Variants in HYDIN observed in about 807,000 individuals in gnomAD.
The protein encoded by HYDIN is HYDIN axonemal central pair apparatus protein, also known as axonemal central pair apparatus protein HYDIN.
HYDIN carries 132 observed loss-of-function variants against 403.9 expected under a neutral mutation model. The ratio of observed to expected loss-of-function variants is 0.33; its 90% CI spans 0.28 to 0.38. HYDIN has a LOEUF of 0.38. HYDIN is among the 10% of genes least tolerant of loss of function. The probability of loss-of-function intolerance (pLI) is 1.00; values close to 1 mark genes in which losing one functional copy is unlikely to be tolerated. For missense variants in HYDIN, 2,827 were observed against 5,009.5 expected (o/e 0.56, Z 13.15); for synonymous variants, 1,202 against 1,891.7 (o/e 0.64, Z 9.46).
chr16:71,193,357 G>A (rs2087531298), intron 1 of HYDIN, among the ~76,000 whole-genome samples: 1 of 152,124 alleles, frequency 6.6e-6, no homozygotes, highest in African/African-American at 2.4e-5. Flanking sequence ...CAGAGTCCAG[G>A]TTAAGTAAGA....
At chr16:70,916,427 G>A (rs1195238474) in intron 47 of HYDIN, among the ~76,000 whole-genome samples, 1 of 152,210 alleles carries the variant, frequency 6.6e-6, no homozygotes, top group Admixed American at 6.5e-5. Context: ...CCCCAGTTGG[G>A]GTGTGTATCC....
At chr16:71,131,425 TG>T (rs1434862115) in intron 8 of HYDIN, 1 of 82,366 alleles carries the variant, frequency 1.2e-5, no homozygotes, top group Non-Finnish European at 2.3e-5. Flanking sequence ...GATACTGATC[TG>T]GAAAACTTAC....
intron 47 of HYDIN, among the ~76,000 whole-genome samples, chr16:70,917,377 G>A (rs1404032473): frequency 3.9e-5 from 6 of 152,254 alleles, no homozygotes; most frequent in African/African-American, 1.4e-4. Context: ...CTGAGGTTTG[G>A]GGTAGTCTCT....
chr16:70,967,043 G>A (rs1276614352), intron 36 of HYDIN, among the ~76,000 whole-genome samples: 3 of 151,662 alleles, frequency 2.0e-5, no homozygotes, highest in Admixed American at 6.6e-5. Flanking sequence ...GATGGAAAGG[G>A]GAGAAGGAAA....
chr16:70,944,543 C>T (rs1434069332), intron 41 of HYDIN, among the ~76,000 whole-genome samples: 2 of 151,782 alleles, frequency 1.3e-5, no homozygotes, highest in African/African-American at 2.4e-5. Context: ...CAAGTGTGCT[C>T]GGGGAATCTC....
chr16:70,915,162 T>C (rs1404348050), intron 47 of HYDIN, among the ~76,000 whole-genome samples: 2 of 151,936 alleles, frequency 1.3e-5, no homozygotes, highest in Non-Finnish European at 2.9e-5. Flanking sequence ...TCTTCTTGGT[T>C]TGAATCCATT....
chr16:70,986,114 TTAAAA>T (rs970407488), intron 27 of HYDIN, among the ~76,000 whole-genome samples: 24 of 122,702 alleles, frequency 2.0e-4, no homozygotes, highest in African/African-American at 6.2e-4. Flanking sequence ...ATAAAAAGAA[TTAAAA>T]TAAATAAATT....
At chr16:71,227,899 G>A (rs913347023) in intron 1 of HYDIN, among the ~76,000 whole-genome samples, 7 of 152,152 alleles carry the variant, frequency 4.6e-5, no homozygotes, top group Admixed American at 4.6e-4. Flanking sequence ...CACGCTACCT[G>A]ACTTCAAACT....
chr16:71,144,264 T>G (rs74504142), intron 7 of HYDIN, among the ~76,000 whole-genome samples: 14,074 of 143,784 alleles, frequency 0.098, no homozygotes, highest in Non-Finnish European at 0.11. Context: ...ATCCTGTGAT[T>G]ATATTAATTT....
chr16:70,825,069 T>C (rs2036507665), intron 83 of HYDIN, among the ~76,000 whole-genome samples: 1 of 151,950 alleles, frequency 6.6e-6, no homozygotes, highest in African/African-American at 2.4e-5. Context: ...CCTGGGTCAG[T>C]CACTTTGAGT....
intron 18 of HYDIN, among the ~76,000 whole-genome samples, chr16:71,055,829 C>T (rs2081866028): frequency 6.6e-6 from 1 of 151,908 alleles, no homozygotes. Flanking sequence ...TAAAGGTAGC[C>T]AAGGCTGAAT....
intron 47 of HYDIN, among the ~76,000 whole-genome samples, chr16:70,909,688 CTTTTTTTTT>C (rs74464612): frequency 3.1e-5 from 2 of 64,776 alleles, no homozygotes; most frequent in Non-Finnish European, 5.9e-5. Flanking sequence ...TCAGGCATGT[CTTTTTTTTT>C]TTTTTTTTTT....
chr16:71,140,224 G>GT (rs1201724031), intron 7 of HYDIN, among the ~76,000 whole-genome samples: 1 of 61,234 alleles, frequency 1.6e-5, no homozygotes, highest in East Asian at 4.2e-4. Flanking sequence ...AATTTGCATT[G>GT]TTTTCTTTCA....
intron 76 of HYDIN, among the ~76,000 whole-genome samples, chr16:70,838,260 A>G (rs544784941): frequency 1.3e-5 from 2 of 151,804 alleles, no homozygotes; most frequent in East Asian, 1.9e-4. Context: ...GCATGATCTC[A>G]ACTCACTGCA....
chr16:71,113,944 T>C (rs1417815259), intron 10 of HYDIN: 1 of 151,402 alleles, frequency 6.6e-6, no homozygotes, highest in Non-Finnish European at 1.5e-5. Context: ...TTTATTTTGT[T>C]CTTCAATTTG....
Position 70,802,158 on chromosome 16 carries a change from T to C in HYDIN, c.*5422A>G, listed in dbSNP as rs1271801772. 6.6e-6 allele frequency: 1 copy of C among 152,202 alleles called. No individual in the cohort carries two copies. Among genetic ancestry groups the C allele is most frequent in the Non-Finnish European group, 1.5e-5 (1 of 68,036 alleles). 9.4% of individuals were successfully genotyped at this position (152,202 alleles called of 1,614,324 possible). A position where few individuals can be genotyped will look rare whatever the true frequency, so the allele number is the denominator to read the frequency against. On this transcript the variant is annotated 3_prime_UTR_variant, in exon 86 of 86. Coordinates refer to ENST00000393567, the MANE Select transcript of HYDIN (RefSeq NM_001270974.2). The stretch of plus-strand genomic sequence containing the variant: ...TAACAGTCTTGAAAATGGAGTATTT[T>C]CCTCAACAGAAACAGGGACGCAATG...
At chr16:70,944,278 G>A (rs1420420247) in intron 41 of HYDIN, among the ~76,000 whole-genome samples, 1 of 152,208 alleles carries the variant, frequency 6.6e-6, no homozygotes, top group Non-Finnish European at 1.5e-5. Context: ...GCTGCCCCCA[G>A]GCATTCCAAT....
chr16:70,978,044 T>C (rs896144977), intron 30 of HYDIN, among the ~76,000 whole-genome samples: 2 of 152,020 alleles, frequency 1.3e-5, no homozygotes, highest in African/African-American at 2.4e-5. Context: ...GTGGCTCCGG[T>C]TCCCTACTGG....
At chr16:71,164,113 T>C (rs1480728446) in intron 5 of HYDIN, among the ~76,000 whole-genome samples, 2 of 144,908 alleles carry the variant, frequency 1.4e-5, no homozygotes, top group African/African-American at 5.2e-5. Context: ...GTATCTGATA[T>C]CTAAAAAAAG....
Sources: allele counts gnomAD v4.1 joint callset (sites outside exome capture counted in the v4.1 genomes callset), GRCh38; gene constraint gnomAD v4.1.1; transcripts MANE v1.5; gene names NCBI Gene and HGNC (gene_info 2026-07-23, HGNC 2026-07-21).